HS1BP3: variants seen among roughly 807,000 people sequenced by gnomAD.
HS1BP3 encodes HCLS1 binding protein 3.
Under a neutral mutation model 33.5 loss-of-function variants are expected in HS1BP3, and 32 were observed. The observed-to-expected ratio is 0.95, with a 90% CI of 0.72 to 1.28. The LOEUF (loss-of-function observed/expected upper bound fraction) is 1.28. Ranked by LOEUF, HS1BP3 falls within the 50% of genes most tolerant of loss-of-function variation. The pLI, the probability that HS1BP3 is intolerant of heterozygous loss-of-function variation, is 0.00. For synonymous variants in HS1BP3, 187 were observed against 209.2 expected, an observed-to-expected ratio of 0.89 and a Z score of 0.92; for missense variants, 486 against 502.3, an observed-to-expected ratio of 0.97 and a Z score of 0.31.
At chr2:20,559,128 T>C (rs1485712770), downstream of HS1BP3, among the ~76,000 whole-genome samples, 1 of 152,108 alleles carries the variant, frequency 6.6e-6, no homozygotes, top group Non-Finnish European at 1.5e-5. Context: ...TTTGTCAATG[T>C]AGGAACTGGG....
At chr2:20,568,211 G>A (rs1049196357) in intron 5 of HS1BP3, among the ~76,000 whole-genome samples, 6 of 152,208 alleles carry the variant, frequency 3.9e-5, no homozygotes, top group Non-Finnish European at 5.9e-5. Context: ...AGGTGGTGCT[G>A]GGGGGTGCGG....
chr2:20,638,695 A>G (rs1695245754), intron 3 of HS1BP3, 43 bp from the exon 4 acceptor site: 1 of 1,509,280 alleles, frequency 6.6e-7, no homozygotes, highest in East Asian at 2.3e-5. Flanking sequence ...TAACCACCCC[A>G]GAGCCAGGGG....
downstream of HS1BP3, chr2:20,590,718 A>C (rs1039977314): frequency 2.0e-5 from 3 of 153,118 alleles, no homozygotes; most frequent in Non-Finnish European, 4.4e-5. Context: ...GTGAGAACTT[A>C]TCAAACACCT....
intron 5 of HS1BP3, among the ~76,000 whole-genome samples, chr2:20,577,385 G>T (rs182755015): frequency 4.7e-4 from 71 of 152,192 alleles, no homozygotes; most frequent in African/African-American, 1.6e-3. Context: ...ACCATTGGCT[G>T]GGGAAGAGCA....
At chr2:20,584,701 A>C (rs1168620302) in intron 5 of HS1BP3, among the ~76,000 whole-genome samples, 1 of 152,198 alleles carries the variant, frequency 6.6e-6, no homozygotes, top group African/African-American at 2.4e-5. Context: ...CCGATTGCAC[A>C]TTCCTGAAGC....
At chr2:20,593,766 C>G (rs1027151510) in intron 3 of HS1BP3, among the ~76,000 whole-genome samples, 1 of 152,184 alleles carries the variant, frequency 6.6e-6, no homozygotes, top group Non-Finnish European at 1.5e-5. Flanking sequence ...GAAGGTCAGG[C>G]CTGCCCTGCT....
At chr2:20,603,788 G>A (rs975114261) in intron 2 of HS1BP3, among the ~76,000 whole-genome samples, 5 of 152,218 alleles carry the variant, frequency 3.3e-5, no homozygotes, top group African/African-American at 9.7e-5. Context: ...AAGCCACCAT[G>A]CTTGGCCTAC....
intron 4 of HS1BP3, chr2:20,638,006 A>C (rs751011891): frequency 1.5e-5 from 4 of 273,556 alleles, no homozygotes; most frequent in Non-Finnish European, 2.8e-5. Flanking sequence ...CCCTGTGTGG[A>C]GGCAGGGCCA....
chr2:20,643,977 A>G (rs1695438042), intron 2 of HS1BP3, among the ~76,000 whole-genome samples: 1 of 152,204 alleles, frequency 6.6e-6, no homozygotes, highest in South Asian at 2.1e-4. Context: ...CTTAAAATTT[A>G]GTGTCTCTTT....
At chr2:20,576,079 C>G (rs1295507425) in intron 5 of HS1BP3, among the ~76,000 whole-genome samples, 1 of 152,108 alleles carries the variant, frequency 6.6e-6, no homozygotes, top group Non-Finnish European at 1.5e-5. Context: ...ACCTCAATCT[C>G]CCGATCCTCC....
intron 2 of HS1BP3, among the ~76,000 whole-genome samples, chr2:20,605,447 C>T (rs980548609): frequency 6.6e-6 from 1 of 152,172 alleles, no homozygotes; most frequent in Admixed American, 6.5e-5. Context: ...GTAAAATACA[C>T]ATCACATAAA....
chr2:20,593,125 G>A (rs1172545935), intron 3 of HS1BP3, among the ~76,000 whole-genome samples: 1 of 151,116 alleles, frequency 6.6e-6, no homozygotes, highest in Non-Finnish European at 1.5e-5. Flanking sequence ...CCTGCTTCAG[G>A]GCCTTGGCAG....
chr2:20,556,496 T>C (rs1428064179), downstream of HS1BP3, among the ~76,000 whole-genome samples: 1 of 152,250 alleles, frequency 6.6e-6, no homozygotes, highest in Non-Finnish European at 1.5e-5. Context: ...CTTTATTAAC[T>C]TCTTTTATAT....
chr2:20,605,810 G>A (rs945906540), intron 2 of HS1BP3, among the ~76,000 whole-genome samples: 2 of 152,172 alleles, frequency 1.3e-5, no homozygotes, highest in Non-Finnish European at 2.9e-5. Context: ...ATAATATTCT[G>A]TTGGATGGAT....
Position 20,638,427 on chromosome 2 carries a change from G to A in HS1BP3, c.623+9C>T, listed in dbSNP as rs368514167. 148 of 1,613,136 alleles carry A rather than the reference G, an allele frequency of 9.2e-5. No homozygotes were observed. The highest frequency in any genetic ancestry group is 2.2e-4 in the Admixed American group (13 of 59,980). ...ACCAAAGGGGCCCTCTCAACAACAG[G>A]AGACCAACCGCATAATGCCCAGAGG... On this transcript the variant is annotated intron_variant, in intron 4 of 6. Transcript: ENST00000304031.
At chr2:20,598,713 T>C (rs952020442) in intron 2 of HS1BP3, among the ~76,000 whole-genome samples, 6 of 150,978 alleles carry the variant, frequency 4.0e-5, no homozygotes, top group African/African-American at 9.7e-5. Context: ...CGCCCGCCAC[T>C]ACGCCCGGCT....
chr2:20,622,065 GCACAGCCAGAAGGAACAAAGCC>G, intron 6 of HS1BP3: 1 of 627,302 alleles, frequency 1.6e-6, no homozygotes, highest in Non-Finnish European at 2.3e-6. Context: ...TGGTGTGGCT[GCACAGCCAGAAGGAACAAAGCC>G]TTCTTAGCCT....
chr2:20,564,564 A>G (rs1006103160), intron 5 of HS1BP3, among the ~76,000 whole-genome samples: 1 of 151,928 alleles, frequency 6.6e-6, no homozygotes, highest in Admixed American at 6.5e-5. Flanking sequence ...GCTGACTGCA[A>G]TCTCCACCTC....
intron 5 of HS1BP3, among the ~76,000 whole-genome samples, chr2:20,573,214 C>G (rs1693316685): frequency 6.6e-6 from 1 of 152,154 alleles, no homozygotes; most frequent in Non-Finnish European, 1.5e-5. Flanking sequence ...TAGGGTAGGT[C>G]TACATGCCCG....
Sources: allele counts gnomAD v4.1 joint callset (sites outside exome capture counted in the v4.1 genomes callset), GRCh38; gene constraint gnomAD v4.1.1; transcripts MANE v1.5; gene names NCBI Gene and HGNC (gene_info 2026-07-23, HGNC 2026-07-21).